SMCO4: variants seen among roughly 807,000 people sequenced by gnomAD.
SMCO4 encodes single-pass membrane and coiled-coil domain-containing protein 4.
A neutral mutation model predicts 3.6 loss-of-function variants in SMCO4; 4 were observed. The ratio of observed to expected loss-of-function variants is 1.11; its 90% CI spans 0.54 to 2.53. SMCO4 has a LOEUF of 2.53. SMCO4 is among the 30% of genes most tolerant of loss of function. The pLI is 0.02. For missense variants in SMCO4, 70 were observed against 80.8 expected (o/e 0.87, Z 0.51); for synonymous variants, 36 against 35.3 (o/e 1.02, Z -0.07).
upstream of SMCO4, among the ~76,000 whole-genome samples, chr11:93,546,236 C>G (rs79911131): frequency 1.8e-3 from 270 of 152,328 alleles, 9 homozygotes; most frequent in East Asian, 0.042. Flanking sequence ...GTCACTAAAT[C>G]TAAGCTTAGC....
chr11:93,549,205 G>C, the SMCO4 span, among the ~76,000 whole-genome samples: 1 of 152,142 alleles, frequency 6.6e-6, no homozygotes, highest in Non-Finnish European at 1.5e-5. Flanking sequence ...TCCACCGTAG[G>C]GGAGCTACTT....
intron 2 of SMCO4, among the ~76,000 whole-genome samples, chr11:93,485,395 T>C (rs1948637135): frequency 6.6e-6 from 1 of 152,246 alleles, no homozygotes; most frequent in South Asian, 2.1e-4. Context: ...CCTTTGCTGA[T>C]GGAACATCTA....
At chr11:93,549,661 G>A in the SMCO4 span, among the ~76,000 whole-genome samples, 4 of 149,812 alleles carry the variant, frequency 2.7e-5, no homozygotes, top group African/African-American at 9.9e-5. Context: ...GTCTCACTAT[G>A]TTGCCCAGGC....
At chr11:93,540,009 T>C (rs2134642025) in intron 1 of SMCO4, among the ~76,000 whole-genome samples, 1 of 151,260 alleles carries the variant, frequency 6.6e-6, no homozygotes, top group South Asian at 2.1e-4. Flanking sequence ...GGAAACCAGC[T>C]ACATCCATTT....
At chr11:93,502,087 A>C (rs34580908) in intron 1 of SMCO4, among the ~76,000 whole-genome samples, 17,531 of 151,878 alleles carry the variant, frequency 0.12, 1,314 homozygotes, top group Non-Finnish European at 0.17. Flanking sequence ...CTGATCTCCC[A>C]GATAATCTGG....
chr11:93,532,869 G>A (rs538276183), intron 1 of SMCO4, among the ~76,000 whole-genome samples: 29 of 152,050 alleles, frequency 1.9e-4, no homozygotes, highest in African/African-American at 6.3e-4. Context: ...TAAACATGTC[G>A]TGTATTTTAA....
intron 2 of SMCO4, among the ~76,000 whole-genome samples, chr11:93,495,853 T>C (rs984047215): frequency 6.6e-6 from 1 of 152,250 alleles, no homozygotes; most frequent in Non-Finnish European, 1.5e-5. Flanking sequence ...GAACACAATA[T>C]TCATTCTAAG....
intron 1 of SMCO4, among the ~76,000 whole-genome samples, chr11:93,514,406 ATATATATATATAT>A (rs1565383054): frequency 0.052 from 1,583 of 30,252 alleles, 51 homozygotes; most frequent in South Asian, 0.094. Flanking sequence ...ATATATATAT[ATATATATATATAT>A]ATAAAATTTG....
intron 1 of SMCO4, among the ~76,000 whole-genome samples, chr11:93,519,748 T>C (rs1023413790): frequency 3.3e-5 from 5 of 152,146 alleles, no homozygotes; most frequent in African/African-American, 4.8e-5. Flanking sequence ...GCCTCAGATA[T>C]AGGCAGTCCT....
At chr11:93,479,373 T>C (rs577989447) in intron 2 of SMCO4, 104 bp from the exon 3 acceptor site, 32 of 1,131,770 alleles carry the variant, frequency 2.8e-5, no homozygotes, top group Admixed American at 2.1e-4. Flanking sequence ...GCAACTTACA[T>C]GACAAAGGGC....
chr11:93,550,714 T>A, the SMCO4 span, among the ~76,000 whole-genome samples: 1 of 152,092 alleles, frequency 6.6e-6, no homozygotes, highest in Non-Finnish European at 1.5e-5. Context: ...AGGGAAAGTA[T>A]GTGGCAGAGA....
intron 2 of SMCO4, among the ~76,000 whole-genome samples, chr11:93,490,603 A>G (rs2134581376): frequency 6.6e-6 from 1 of 152,378 alleles, no homozygotes; most frequent in South Asian, 2.1e-4. Flanking sequence ...CCGACCTACC[A>G]GTCAAGGCTG....
At chr11:93,481,204 C>A (rs1253674566) in intron 2 of SMCO4, among the ~76,000 whole-genome samples, 2 of 152,236 alleles carry the variant, frequency 1.3e-5, no homozygotes. Context: ...GAGCAAGTCA[C>A]TTAACTCCAC....
At position 93,535,499 on chromosome 11, in the gene SMCO4, A is replaced by G. The variant is rs1027529792; in HGVS notation, c.-154+7777T>C. 13 of 1,369,894 alleles carry G rather than the reference A, an allele frequency of 9.5e-6. No homozygotes were observed. In the Admixed American group the frequency reaches 2.2e-4, roughly 23 times the overall value. The allele number at this position is 1,369,894 out of a possible 1,614,324, so 84.9% of individuals were successfully genotyped here. The stretch of plus-strand genomic sequence containing the variant: ...GTTGTTGGAGAGCGAGCAGCTCCTG[A>G]CGGAGCTGACCAGACTTTTCCAGAA... On this transcript the variant is annotated intron_variant, in intron 1 of 2. Transcript: ENST00000298966.
chr11:93,537,303 G>A (rs559404724), intron 1 of SMCO4, among the ~76,000 whole-genome samples: 5 of 152,286 alleles, frequency 3.3e-5, no homozygotes, highest in South Asian at 2.1e-4. Flanking sequence ...TGAAGCCCAC[G>A]CATTTGAGTC....
chr11:93,486,853 CT>C (rs1451041689), intron 2 of SMCO4, among the ~76,000 whole-genome samples: 3 of 152,162 alleles, frequency 2.0e-5, no homozygotes, highest in African/African-American at 7.2e-5. Context: ...TGCTGTTCTC[CT>C]TTTCTAAAGT....
intron 1 of SMCO4, chr11:93,535,470 TG>T (rs1319631845): frequency 1.4e-6 from 2 of 1,393,304 alleles, no homozygotes; most frequent in African/African-American, 1.4e-5. Context: ...GTCGCCGCGA[TG>T]GTGTTGTTGG....
chr11:93,484,177 C>T (rs147039770), intron 2 of SMCO4, among the ~76,000 whole-genome samples: 56 of 152,296 alleles, frequency 3.7e-4, no homozygotes, highest in Non-Finnish European at 6.9e-4. Context: ...CAAATGGTCC[C>T]CAGTATGTGT....
upstream of SMCO4, among the ~76,000 whole-genome samples, chr11:93,547,682 CAAAT>C (rs925338085): frequency 1.4e-4 from 21 of 152,230 alleles, no homozygotes; most frequent in African/African-American, 2.2e-4. Flanking sequence ...AATGAGCAAA[CAAAT>C]GAATGAATAA....
Sources: allele counts gnomAD v4.1 joint callset (sites outside exome capture counted in the v4.1 genomes callset), GRCh38; gene constraint gnomAD v4.1.1; transcripts MANE v1.5; gene names NCBI Gene and HGNC (gene_info 2026-07-23, HGNC 2026-07-21).